Variants in STAC observed in about 807,000 individuals in gnomAD.
STAC encodes the protein SH3 and cysteine rich domain, also known as SH3 and cysteine-rich domain-containing protein.
In STAC, 43 loss-of-function variants were observed where a neutral mutation model predicts 48.8. The observed-to-expected ratio is 0.88, with a 90% CI of 0.69 to 1.14. STAC has a LOEUF of 1.14. Among genes scored for constraint, STAC ranks in the 50% most tolerant of loss-of-function variants. The pLI is 0.00. For synonymous variants in STAC, 193 were observed against 179.5 expected, an observed-to-expected ratio of 1.07 and a Z score of -0.60; for missense variants, 497 against 504.0, an observed-to-expected ratio of 0.99 and a Z score of 0.13.
In STAC at chr3:36,513,700, C is replaced by T. The variant is rs369799742; in HGVS notation, c.920+7866C>T. The stretch of plus-strand genomic sequence containing the variant: ...GGGATAATAAGTCCTGCCCTTACCG[C>T]CCTTAGATCTAGCATCGATGTGATT... On this transcript the variant is annotated intron_variant, in intron 8 of 10. Coordinates refer to ENST00000273183, the MANE Select transcript of STAC (RefSeq NM_003149.3). 3.1e-4 allele frequency among the ~76,000 whole-genome samples: 47 copies of T among 152,220 alleles called. 1 individual carries two copies. The South Asian group carries it at 8.5e-3, about 28-fold the overall frequency.
intron 1 of STAC, among the ~76,000 whole-genome samples, chr3:36,437,490 A>C (rs903810652): frequency 1.3e-5 from 2 of 151,754 alleles, no homozygotes; most frequent in African/African-American, 4.8e-5. Flanking sequence ...CATGGATGAA[A>C]TTGGAAATCA....
At chr3:36,494,139 G>A (rs370329989) in intron 6 of STAC, among the ~76,000 whole-genome samples, 28 of 119,478 alleles carry the variant, frequency 2.3e-4, no homozygotes, top group East Asian at 1.1e-3. Flanking sequence ...GCCACAGAGC[G>A]AGACTCCGTC....
chr3:36,437,087 C>T (rs1393414626), intron 1 of STAC, among the ~76,000 whole-genome samples: 2 of 152,058 alleles, frequency 1.3e-5, no homozygotes, highest in Non-Finnish European at 2.9e-5. Flanking sequence ...TACCATCTCA[C>T]ACCAGTGAGA....
intron 6 of STAC, among the ~76,000 whole-genome samples, chr3:36,496,024 CG>C (rs1575240262): frequency 6.6e-6 from 1 of 152,250 alleles, no homozygotes; most frequent in East Asian, 1.9e-4. Context: ...CAATATCCCC[CG>C]TATAGATAAG....
At chr3:36,426,859 C>A (rs977398125) in intron 1 of STAC, among the ~76,000 whole-genome samples, 1 of 85,722 alleles carries the variant, frequency 1.2e-5, no homozygotes, top group African/African-American at 8.0e-5. Flanking sequence ...TTCTGTTCAT[C>A]ACCTCTCGAC....
At chr3:36,445,731 T>C (rs961587579) in intron 2 of STAC, among the ~76,000 whole-genome samples, 5 of 152,232 alleles carry the variant, frequency 3.3e-5, no homozygotes, top group Non-Finnish European at 5.9e-5. Flanking sequence ...AGGGAAAGAC[T>C]ACCTGCTATT....
intron 8 of STAC, among the ~76,000 whole-genome samples, chr3:36,521,247 T>C (rs1222611901): frequency 6.6e-6 from 1 of 152,016 alleles, no homozygotes; most frequent in East Asian, 1.9e-4. Flanking sequence ...AAAATAACTA[T>C]ATAGTAAAGT....
At chr3:36,529,624 C>T (rs1163504827) in intron 10 of STAC, among the ~76,000 whole-genome samples, 1 of 152,160 alleles carries the variant, frequency 6.6e-6, no homozygotes, top group Non-Finnish European at 1.5e-5. Context: ...TGAACCCCCA[C>T]ATTTGTATGT....
In STAC at chr3:36,443,307, C is replaced by T. The variant is rs1575203133; in HGVS notation, c.112-57C>T. ...CACACAGCAGACCTTACCCCCACAG[C>T]CTAGGTCTGCTTGATCCATTGATCG... On this transcript the variant is annotated intron_variant, in intron 1 of 10. Coordinates refer to ENST00000273183, the MANE Select transcript of STAC (RefSeq NM_003149.3). This position sits in a 1 kb window ranked among gnomAD's most constrained non-coding sequence, Gnocchi z 4.2. 6.3e-7 allele frequency: 1 copy of T among 1,596,424 alleles called. No homozygotes were observed. The highest frequency in any genetic ancestry group is 8.5e-7 in the Non-Finnish European group (1 of 1,169,784).
chr3:36,507,911 C>T (rs1228666062), intron 8 of STAC, among the ~76,000 whole-genome samples: 1 of 152,042 alleles, frequency 6.6e-6, no homozygotes, highest in Non-Finnish European at 1.5e-5. Context: ...TTTCGTGTCT[C>T]TATCTCCTTC....
At chr3:36,519,641 G>T (rs1416179658) in intron 8 of STAC, among the ~76,000 whole-genome samples, 1 of 152,198 alleles carries the variant, frequency 6.6e-6, no homozygotes, top group Non-Finnish European at 1.5e-5. Context: ...CAGGAAGTTT[G>T]TGATCTACAG....
At chr3:36,397,569 C>T (rs556323097) in intron 1 of STAC, among the ~76,000 whole-genome samples, 1 of 152,148 alleles carries the variant, frequency 6.6e-6, no homozygotes, top group African/African-American at 2.4e-5. Context: ...ATCCAGTTTA[C>T]AAAAATAAAG....
intron 7 of STAC, 134 bp from the exon 8 acceptor site, chr3:36,505,612 A>T: frequency 1.8e-6 from 1 of 551,286 alleles, no homozygotes; most frequent in Non-Finnish European, 3.1e-6. Context: ...AATCTTTAAT[A>T]ATGGTTAGAT....
intron 1 of STAC, among the ~76,000 whole-genome samples, chr3:36,434,671 C>G (rs541283464): frequency 1.3e-5 from 2 of 152,302 alleles, no homozygotes; most frequent in East Asian, 3.9e-4. Context: ...ACCCCTTTCC[C>G]ATATAGCATG....
intron 4 of STAC, 108 bp from the exon 5 acceptor site, chr3:36,486,026 C>G (rs1298923572): frequency 1.3e-6 from 1 of 796,676 alleles, no homozygotes; most frequent in African/African-American, 1.7e-5. Flanking sequence ...CTAAGTTCCT[C>G]TGCACAGAGC....
intron 1 of STAC, among the ~76,000 whole-genome samples, chr3:36,393,454 A>G (rs1033077049): frequency 2.0e-5 from 3 of 152,070 alleles, no homozygotes; most frequent in Non-Finnish European, 2.9e-5. Flanking sequence ...AAAGCTAAAT[A>G]GAAGAGTACT....
At chr3:36,502,181 T>A (rs1349796280) in intron 6 of STAC, among the ~76,000 whole-genome samples, 1 of 152,186 alleles carries the variant, frequency 6.6e-6, no homozygotes, top group African/African-American at 2.4e-5. Context: ...AAGGTTCATT[T>A]TGCTTCTGTA....
intron 2 of STAC, among the ~76,000 whole-genome samples, chr3:36,479,589 C>A (rs948338676): frequency 6.6e-6 from 1 of 152,158 alleles, no homozygotes; most frequent in Non-Finnish European, 1.5e-5. Flanking sequence ...GGTATTTAAA[C>A]CCATGCAATC....
chr3:36,489,399 C>T (rs758361537), intron 5 of STAC, among the ~76,000 whole-genome samples: 2 of 152,174 alleles, frequency 1.3e-5, no homozygotes, highest in African/African-American at 4.8e-5. Flanking sequence ...CACAGTTTGC[C>T]GTTTTCTGCA....
Sources: gnomAD v4.1 joint callset for allele counts (sites outside exome capture counted in the v4.1 genomes callset) on GRCh38, gnomAD v4.1.1 for gene constraint, Gnocchi (gnomAD v3.1) non-coding constraint, MANE v1.5 for transcripts, NCBI Gene and HGNC (gene_info 2026-07-23, HGNC 2026-07-21) for gene names.